Variants in AGBL4 observed in about 807,000 individuals in gnomAD.
The protein encoded by AGBL4 is AGBL carboxypeptidase 4, also known as cytosolic carboxypeptidase 6.
Under a neutral mutation model 66.4 loss-of-function variants are expected in AGBL4, and 58 were observed. The observed-to-expected ratio is 0.87, with a 90% confidence interval of 0.71 to 1.09. The LOEUF (loss-of-function observed/expected upper bound fraction) is 1.09. Among genes scored for constraint, AGBL4 ranks in the 50% least tolerant of loss-of-function variants. The probability of loss-of-function intolerance (pLI) is 0.00; values close to 1 mark genes in which losing one functional copy is unlikely to be tolerated. For synonymous variants in AGBL4, 234 were observed against 222.9 expected, an observed-to-expected ratio of 1.05 and a Z score of -0.44; for missense variants, 579 against 631.0, an observed-to-expected ratio of 0.92 and a Z score of 0.88.
At chr1:49,171,798 T>G (rs1354928027) in intron 4 of AGBL4, among the ~76,000 whole-genome samples, 1 of 152,232 alleles carries the variant, frequency 6.6e-6, no homozygotes, top group African/African-American at 2.4e-5. Flanking sequence ...TACATGTATA[T>G]GATTATCACA....
chr1:48,733,543 A>G lies in AGBL4; in HGVS notation c.635-70302T>C, dbSNP rs1648499350. Among the ~76,000 whole-genome samples the G allele has an allele frequency of 2.0e-5, 3 of 152,210 alleles. No individual in the cohort carries two copies. The South Asian group carries it at 6.2e-4, about 32-fold the overall frequency. Reference sequence around the variant, plus strand: ...GGCTTGGAAAATGAGGTAGTAGATCAGGGAGGGAAACTCACACAACTTGGC... The same window carrying G: ...GGCTTGGAAAATGAGGTAGTAGATCGGGGAGGGAAACTCACACAACTTGGC... On this transcript the variant is annotated intron_variant, in intron 6 of 13. Transcript: ENST00000371839.
rs117581986 is a variant in AGBL4 at position 49,965,784 on chromosome 1, T to C, written c.34+57979A>G. ...TAACAAGGAAGTTGGGCTGCTTCTT[T>C]GACAGCTTTGTTTAGTGACCGGACA... On this transcript the variant is annotated intron_variant, in intron 1 of 13. Coordinates refer to ENST00000371839, the MANE Select transcript of AGBL4 (RefSeq NM_032785.4). Among the ~76,000 whole-genome samples, 649 of 152,298 alleles carry C rather than the reference T, an allele frequency of 4.3e-3. 3 individuals carry two copies. The highest frequency in any genetic ancestry group is 0.014 in the Admixed American group (208 of 15,288).
chr1:48,976,083 T>C (rs1290363552), intron 5 of AGBL4, among the ~76,000 whole-genome samples: 1 of 152,148 alleles, frequency 6.6e-6, no homozygotes, highest in Non-Finnish European at 1.5e-5. Flanking sequence ...GATTGGAATA[T>C]TGTTATCAGG....
intron 3 of AGBL4, among the ~76,000 whole-genome samples, chr1:49,498,583 A>G (rs1647830882): frequency 6.6e-6 from 1 of 151,794 alleles, no homozygotes; most frequent in Non-Finnish European, 1.5e-5. Context: ...GCTAAGTGAA[A>G]TAATCCAGGC....
chr1:48,569,940 T>C (rs1277662931), intron 11 of AGBL4, among the ~76,000 whole-genome samples: 1 of 152,226 alleles, frequency 6.6e-6, no homozygotes. Context: ...GTTTTCAAAT[T>C]GTACTTCAAA....
intron 5 of AGBL4, among the ~76,000 whole-genome samples, chr1:49,015,294 G>T (rs61786058): frequency 6.6e-6 from 1 of 152,028 alleles, no homozygotes; most frequent in African/African-American, 2.4e-5. Flanking sequence ...TGGGGGAATG[G>T]TAGGGTTTGA....
At chr1:49,769,117 G>A (rs1643980896) in intron 2 of AGBL4, among the ~76,000 whole-genome samples, 2 of 152,098 alleles carry the variant, frequency 1.3e-5, no homozygotes, top group Admixed American at 1.3e-4. Flanking sequence ...AAAGTGGTGG[G>A]ATTACAGGCA....
chr1:49,437,162 A>C (rs1367317467), intron 3 of AGBL4, among the ~76,000 whole-genome samples: 2 of 152,054 alleles, frequency 1.3e-5, no homozygotes, highest in Admixed American at 1.3e-4. Context: ...AGAAGTATCT[A>C]CCCTGCTTTT....
intron 4 of AGBL4, among the ~76,000 whole-genome samples, chr1:49,221,301 C>A (rs1570114905): frequency 6.6e-6 from 1 of 152,116 alleles, no homozygotes; most frequent in African/African-American, 2.4e-5. Context: ...AGGATCCCCA[C>A]TTCAACATCC....
chr1:49,229,893 C>G (rs1249786571), intron 4 of AGBL4, among the ~76,000 whole-genome samples: 2 of 148,466 alleles, frequency 1.3e-5, no homozygotes, highest in African/African-American at 4.9e-5. Flanking sequence ...GTAGGGAAAG[C>G]AGCTGTCATG....
At chr1:49,329,620 T>C (rs1322502275) in intron 3 of AGBL4, among the ~76,000 whole-genome samples, 1 of 151,938 alleles carries the variant, frequency 6.6e-6, no homozygotes, top group Non-Finnish European at 1.5e-5. Context: ...GAGTCGAGAT[T>C]GCACCACTGC....
At chr1:48,621,791 T>A (rs1645417099) in intron 9 of AGBL4, among the ~76,000 whole-genome samples, 1 of 152,138 alleles carries the variant, frequency 6.6e-6, no homozygotes, top group African/African-American at 2.4e-5. Context: ...CCTGGGTTTT[T>A]CACTATTTTT....
chr1:48,577,510 C>T (rs920949952), intron 11 of AGBL4, among the ~76,000 whole-genome samples: 1 of 152,168 alleles, frequency 6.6e-6, no homozygotes, highest in Non-Finnish European at 1.5e-5. Context: ...AACTTGACAA[C>T]AGCAGATAAA....
chr1:48,705,084 C>A (rs928201392), intron 6 of AGBL4, among the ~76,000 whole-genome samples: 2 of 152,172 alleles, frequency 1.3e-5, no homozygotes, highest in African/African-American at 4.8e-5. Context: ...CTGTTGTACA[C>A]ACAGTCCATC....
At chr1:48,677,193 A>AT (rs1646380030) in intron 6 of AGBL4, among the ~76,000 whole-genome samples, 1 of 152,104 alleles carries the variant, frequency 6.6e-6, no homozygotes, top group South Asian at 2.1e-4. Context: ...CAAGCAAATA[A>AT]TTTTTCTCAG....
intron 3 of AGBL4, among the ~76,000 whole-genome samples, chr1:49,615,279 ATATGC>A (rs1440175279): frequency 6.6e-6 from 1 of 152,164 alleles, no homozygotes; most frequent in African/African-American, 2.4e-5. Context: ...GAACTTGTCT[ATATGC>A]TAGAACAGAA....
At chr1:48,552,127 G>A (rs1008495695) in intron 11 of AGBL4, among the ~76,000 whole-genome samples, 1 of 152,072 alleles carries the variant, frequency 6.6e-6, no homozygotes, top group Non-Finnish European at 1.5e-5. Flanking sequence ...GGAGTGGTGC[G>A]ATCTCAGCTC....
At position 48,939,866 on chromosome 1, in the gene AGBL4, G is replaced by A. The variant is rs762248440; in HGVS notation, c.595-72636C>T. On this transcript the variant is annotated intron_variant, in intron 5 of 13. Coordinates refer to ENST00000371839, the MANE Select transcript of AGBL4 (RefSeq NM_032785.4). ...ACCAGGGATAATTTTAACCCACAGC[G>A]GACATCTGATAATATCTGGAGATAT... 3.3e-5 allele frequency among the ~76,000 whole-genome samples: 5 copies of A among 152,130 alleles called. No homozygotes were observed. In the South Asian group the frequency reaches 8.3e-4, roughly 25 times the overall value.
intron 5 of AGBL4, among the ~76,000 whole-genome samples, chr1:48,967,655 T>C (rs1003407246): frequency 1.1e-4 from 16 of 152,128 alleles, no homozygotes; most frequent in African/African-American, 3.9e-4. Flanking sequence ...TTTTTAAAGT[T>C]CAATTGTGAT....
Sources: allele counts gnomAD v4.1 joint callset (sites outside exome capture counted in the v4.1 genomes callset), GRCh38; gene constraint gnomAD v4.1.1; transcripts MANE v1.5; gene names NCBI Gene and HGNC (gene_info 2026-07-23, HGNC 2026-07-21).